The following CSMD1 variants were observed in gnomAD, a reference collection of about 807,000 sequenced individuals.
CSMD1 encodes CUB and Sushi multiple domains 1.
In CSMD1, 213 loss-of-function variants were observed where a neutral mutation model predicts 417.5. That is an observed-to-expected ratio of 0.51 (90% CI 0.46 to 0.57). CSMD1 has a LOEUF of 0.57. Ranked by LOEUF, CSMD1 falls within the 20% of genes least tolerant of loss-of-function variation. The pLI, the probability that CSMD1 is intolerant of heterozygous loss-of-function variation, is 0.00. For missense variants in CSMD1, 6,923 were observed against 4,529.7 expected (o/e 1.53, Z -15.17); for synonymous variants, 2,862 against 1,736.8 (o/e 1.65, Z -16.11).
At chr8:4,112,444 C>T (rs529570816) in intron 3 of CSMD1, among the ~76,000 whole-genome samples, 55 of 152,302 alleles carry the variant, frequency 3.6e-4, no homozygotes, top group Non-Finnish European at 5.3e-4. Flanking sequence ...AGGATGTGTT[C>T]CCTCCCCATT....
At chr8:3,802,104 C>G (rs1029271109) in intron 5 of CSMD1, among the ~76,000 whole-genome samples, 5 of 152,084 alleles carry the variant, frequency 3.3e-5, no homozygotes, top group African/African-American at 1.2e-4. Flanking sequence ...ATCTTAATAA[C>G]ATTGTTTTAA....
At chr8:4,927,839 C>G (rs938039423) in intron 1 of CSMD1, among the ~76,000 whole-genome samples, 3 of 152,300 alleles carry the variant, frequency 2.0e-5, no homozygotes, top group Non-Finnish European at 2.9e-5. Flanking sequence ...CCTCCAAACT[C>G]TGCCTTCAAG....
chr8:3,639,171 C>G (rs1297433956), intron 7 of CSMD1, among the ~76,000 whole-genome samples: 1 of 152,178 alleles, frequency 6.6e-6, no homozygotes, highest in Non-Finnish European at 1.5e-5. Flanking sequence ...CCGCTCAATT[C>G]AAGAGGACAG....
At chr8:4,966,347 C>T (rs756639746) in intron 1 of CSMD1, among the ~76,000 whole-genome samples, 1 of 152,116 alleles carries the variant, frequency 6.6e-6, no homozygotes. Flanking sequence ...CCATTGCACT[C>T]CAGCCTGGGC....
intron 1 of CSMD1, among the ~76,000 whole-genome samples, chr8:4,785,359 G>A (rs1191961851): frequency 6.6e-6 from 1 of 152,092 alleles, no homozygotes; most frequent in Non-Finnish European, 1.5e-5. Context: ...GTGTGGAGGT[G>A]GTCTCAGAGC....
At chr8:4,350,617 C>G (rs551479688) in intron 3 of CSMD1, among the ~76,000 whole-genome samples, 2 of 152,242 alleles carry the variant, frequency 1.3e-5, no homozygotes, top group South Asian at 4.2e-4. Context: ...CAAAACTGAC[C>G]TGGGCAATGG....
intron 12 of CSMD1, among the ~76,000 whole-genome samples, chr8:3,426,661 T>G (rs270066): frequency 0.59 from 89,670 of 152,068 alleles, 26,739 homozygotes; most frequent in South Asian, 0.68. Context: ...TTTTAAAAAC[T>G]TGTCAACTTA....
At chr8:4,931,957 A>G (rs1027337140) in intron 1 of CSMD1, among the ~76,000 whole-genome samples, 2 of 151,978 alleles carry the variant, frequency 1.3e-5, no homozygotes, top group African/African-American at 4.8e-5. Context: ...TGTAACATGT[A>G]TTAGTTATTA....
chr8:3,273,508 T>G (rs1362381352), intron 26 of CSMD1, among the ~76,000 whole-genome samples: 1 of 152,216 alleles, frequency 6.6e-6, no homozygotes, highest in African/African-American at 2.4e-5. Flanking sequence ...GAAGGAATGG[T>G]ACAAATTCCT....
chr8:4,994,242 C>T, intron 1 of CSMD1, 90 bp downstream of exon 1: 2 of 1,184,702 alleles, frequency 1.7e-6, no homozygotes, highest in South Asian at 1.3e-5. Flanking sequence ...CCACTCCGTA[C>T]CCTGCGGTCC....
chr8:3,614,824 C>G (rs142096473), intron 8 of CSMD1, among the ~76,000 whole-genome samples: 13 of 152,270 alleles, frequency 8.5e-5, no homozygotes, highest in Non-Finnish European at 1.9e-4. Context: ...TCTGGAGACG[C>G]TTAAGACAGG....
intron 6 of CSMD1, among the ~76,000 whole-genome samples, chr8:3,713,200 G>T (rs759808665): frequency 6.6e-6 from 1 of 152,202 alleles, no homozygotes; most frequent in South Asian, 2.1e-4. Flanking sequence ...CATTAATTTT[G>T]TTGTGTCATT....
intron 3 of CSMD1, among the ~76,000 whole-genome samples, chr8:4,055,489 C>T (rs919471944): frequency 6.6e-6 from 1 of 151,554 alleles, no homozygotes; most frequent in Non-Finnish European, 1.5e-5. Context: ...ATATGTAAAG[C>T]ATTTCATATA....
chr8:4,894,306 A>G (rs897861334), intron 1 of CSMD1, among the ~76,000 whole-genome samples: 3 of 151,966 alleles, frequency 2.0e-5, no homozygotes, highest in Non-Finnish European at 4.4e-5. Flanking sequence ...ATTTATATAC[A>G]TTTTTCATTT....
chr8:3,307,581 C>T, intron 25 of CSMD1, 114 bp downstream of exon 25: 5 of 1,233,328 alleles, frequency 4.1e-6, no homozygotes, highest in Non-Finnish European at 5.6e-6. Context: ...TTTACCTTTT[C>T]TTCTTTAGTT....
intron 5 of CSMD1, among the ~76,000 whole-genome samples, chr8:3,848,083 C>T (rs553443907): frequency 7.0e-6 from 1 of 143,282 alleles, no homozygotes; most frequent in South Asian, 2.4e-4. Context: ...CTCTCTCTCT[C>T]TCTCTCTAAA....
intron 3 of CSMD1, among the ~76,000 whole-genome samples, chr8:4,162,354 G>A (rs1584936666): frequency 6.6e-6 from 1 of 152,088 alleles, no homozygotes; most frequent in African/African-American, 2.4e-5. Context: ...TTGTTTTTAG[G>A]TAATTTTGAT....
At chr8:4,710,890 A>G (rs546193077) in intron 1 of CSMD1, among the ~76,000 whole-genome samples, 4 of 151,878 alleles carry the variant, frequency 2.6e-5, no homozygotes, top group East Asian at 1.9e-4. Context: ...CAATGAGAAA[A>G]AAGACTTACA....
chr8:3,441,774 T>A (rs2166713), intron 12 of CSMD1, among the ~76,000 whole-genome samples: 95,448 of 151,826 alleles, frequency 0.63, 30,150 homozygotes, highest in East Asian at 0.76. Flanking sequence ...TAAGTGACTA[T>A]GACATTGCTT....
Sources: allele counts gnomAD v4.1 joint callset (sites outside exome capture counted in the v4.1 genomes callset), GRCh38; gene constraint gnomAD v4.1.1; transcripts MANE v1.5; gene names NCBI Gene and HGNC (gene_info 2026-07-23, HGNC 2026-07-21).